Variants in ADGRA3 observed in about 807,000 individuals in gnomAD.
The protein encoded by ADGRA3 is adhesion G protein-coupled receptor A3, also known as G-protein coupled receptor 125.
A neutral mutation model predicts 119.8 loss-of-function variants in ADGRA3; 56 were observed. The observed-to-expected ratio is 0.47, with a 90% CI of 0.38 to 0.58. ADGRA3 has a LOEUF of 0.58. Among genes scored for constraint, ADGRA3 ranks in the 20% least tolerant of loss-of-function variants. The pLI is 0.00. For missense variants in ADGRA3, 1,516 were observed against 1,649.0 expected (o/e 0.92, Z 1.40); for synonymous variants, 607 against 623.8 (o/e 0.97, Z 0.40).
chr4:22,388,385 A>G lies in ADGRA3; in HGVS notation c.3286T>C (p.Ser1096Pro), dbSNP rs1379659692. 2.5e-6 allele frequency: 4 copies of G among 1,613,666 alleles called. No homozygotes were observed. The highest frequency in any genetic ancestry group is 3.4e-6 in the Non-Finnish European group (4 of 1,179,924). ...GAAGCACTTTTGTTTGTGCATGAAGACTCCGCACTGCTATTGGGGCATTTG... is the reference window on the plus strand; with the variant it reads ...GAAGCACTTTTGTTTGTGCATGAAGGCTCCGCACTGCTATTGGGGCATTTG... ...APKCPNSSAESSCTNKSASSF... is the reference protein window; with the variant it reads ...APKCPNSSAEPSCTNKSASSF... Residue 1096 changes from serine (S) to proline (P), a missense_variant, in exon 19 of 19, where the codon TCT (serine) becomes CCT (proline). Around this residue, in one of 2 missense-constraint regions of ADGRA3, gnomAD observed 1,088 missense variants for 1,107.1 expected, o/e 0.98. Coordinates refer to ENST00000334304, the MANE Select transcript of ADGRA3 (RefSeq NM_145290.4).
chr4:22,505,646 CAAAA>C (rs199814126), intron 1 of ADGRA3, among the ~76,000 whole-genome samples: 1 of 122,938 alleles, frequency 8.1e-6, no homozygotes, highest in Admixed American at 8.5e-5. Flanking sequence ...GACTCTGTCT[CAAAA>C]AAAAAAAAAA....
intron 3 of ADGRA3, among the ~76,000 whole-genome samples, chr4:22,458,001 G>C (rs934221260): frequency 6.6e-6 from 1 of 152,126 alleles, no homozygotes; most frequent in Non-Finnish European, 1.5e-5. Context: ...CAGAGGGAGG[G>C]GATAAGAAAA....
intron 7 of ADGRA3, among the ~76,000 whole-genome samples, chr4:22,438,722 A>C (rs1330275262): frequency 1.3e-5 from 2 of 152,214 alleles, no homozygotes; most frequent in African/African-American, 4.8e-5. Context: ...AACACTTTAC[A>C]GAACAGGAAT....
intron 1 of ADGRA3, among the ~76,000 whole-genome samples, chr4:22,483,045 C>G (rs990465298): frequency 2.0e-5 from 3 of 152,194 alleles, no homozygotes; most frequent in African/African-American, 7.2e-5. Context: ...TGGGCAATCT[C>G]TACCAGAGCT....
At position 22,438,314 on chromosome 4, in the gene ADGRA3, C is replaced by G; in HGVS notation, c.1027G>C (p.Glu343Gln). ...GGAGGACAGTACTGTGCAGAACTCT[C>G]TAATACCACAATATCCACAGTCCTC... ...NTRTVDIVVL[E>Q]SSAQYCPPER... is the part of the protein sequence containing the mutation. Residue 343 changes from glutamate to glutamine, a missense_variant, in exon 8 of 19, where the codon GAG becomes CAG. By Grantham distance (29) the Glu-to-Gln change is conservative. This residue lies in a region of ADGRA3 where 428 missense variants were observed against 541.9 expected (regional missense o/e 0.79). Transcript: ENST00000334304. 1.2e-6 allele frequency: 2 copies of G among 1,612,718 alleles called. No homozygotes were observed. Among genetic ancestry groups the G allele is most frequent in the Non-Finnish European group, 1.7e-6 (2 of 1,179,492 alleles).
chr4:22,395,137 AT>A (rs1714298106), intron 16 of ADGRA3, among the ~76,000 whole-genome samples: 1 of 152,170 alleles, frequency 6.6e-6, no homozygotes, highest in Non-Finnish European at 1.5e-5. Context: ...TTATTAACTA[AT>A]GTTAAATGCA....
chr4:22,398,802 T>A (rs183391937), intron 16 of ADGRA3, among the ~76,000 whole-genome samples: 61 of 152,274 alleles, frequency 4.0e-4, no homozygotes, highest in Middle Eastern at 6.8e-3. Context: ...GGCATTTGGG[T>A]TGCTTCCAGG....
intron 1 of ADGRA3, among the ~76,000 whole-genome samples, chr4:22,500,476 C>G (rs370751571): frequency 3.9e-4 from 46 of 116,634 alleles, no homozygotes; most frequent in African/African-American, 1.2e-3. Flanking sequence ...TTAGAACTTT[C>G]AAATCAGTTA....
intron 12 of ADGRA3, among the ~76,000 whole-genome samples, chr4:22,416,967 T>G (rs1431157846): frequency 6.6e-6 from 1 of 152,164 alleles, no homozygotes; most frequent in African/African-American, 2.4e-5. Flanking sequence ...TTTTCAGAAA[T>G]CTTTATGGGT....
At chr4:22,476,966 C>T (rs938532755) in intron 1 of ADGRA3, among the ~76,000 whole-genome samples, 2 of 152,036 alleles carry the variant, frequency 1.3e-5, no homozygotes, top group African/African-American at 4.8e-5. Flanking sequence ...CACACCTGGC[C>T]AATTTATCTT....
intron 4 of ADGRA3, among the ~76,000 whole-genome samples, chr4:22,454,548 C>T (rs1364101549): frequency 6.6e-6 from 1 of 152,098 alleles, no homozygotes; most frequent in Non-Finnish European, 1.5e-5. Context: ...TTACTATTTC[C>T]TAGAAATTTT....
intron 14 of ADGRA3, among the ~76,000 whole-genome samples, chr4:22,408,791 A>C (rs1000785724): frequency 6.6e-6 from 1 of 152,186 alleles, no homozygotes; most frequent in African/African-American, 2.4e-5. Context: ...TCCTGAGTGT[A>C]CATGTCCATC....
chr4:22,416,791 A>G (rs1472831931), intron 12 of ADGRA3, among the ~76,000 whole-genome samples: 1 of 152,208 alleles, frequency 6.6e-6, no homozygotes, highest in Non-Finnish European at 1.5e-5. Flanking sequence ...GTTACCACAC[A>G]GCTGCTTTTT....
chr4:22,429,540 C>CA (rs1217083996), intron 10 of ADGRA3, among the ~76,000 whole-genome samples: 1 of 152,078 alleles, frequency 6.6e-6, no homozygotes, highest in Non-Finnish European at 1.5e-5. Context: ...GCTAGAAACT[C>CA]AAAGGACACC....
chr4:22,488,737 A>G (rs1474943733), intron 1 of ADGRA3, among the ~76,000 whole-genome samples: 2 of 152,224 alleles, frequency 1.3e-5, no homozygotes, highest in Non-Finnish European at 2.9e-5. Context: ...AGAAGATTCA[A>G]TAACAGCACA....
At chr4:22,493,521 C>G (rs762031222) in intron 1 of ADGRA3, among the ~76,000 whole-genome samples, 3 of 152,130 alleles carry the variant, frequency 2.0e-5, no homozygotes, top group African/African-American at 7.2e-5. Context: ...AGTTTCTCTG[C>G]TCTCCTGGCA....
chr4:22,455,815 C>A, intron 3 of ADGRA3: 1 of 1,288,420 alleles, frequency 7.8e-7, no homozygotes, highest in Non-Finnish European at 1.0e-6. Context: ...TTACACCTGG[C>A]ATGGCATGAC....
chr4:22,392,465 C>T, intron 17 of ADGRA3, 80 bp downstream of exon 17: 1 of 1,527,818 alleles, frequency 6.5e-7, no homozygotes, highest in South Asian at 1.2e-5. Flanking sequence ...CCAAAATTCA[C>T]TCAGCAATTT....
intron 10 of ADGRA3, among the ~76,000 whole-genome samples, chr4:22,427,275 A>G (rs1715979230): frequency 6.6e-6 from 1 of 152,202 alleles, no homozygotes; most frequent in South Asian, 2.1e-4. Flanking sequence ...TAGCAAAGTT[A>G]CAACTAAACT....
Sources: gnomAD v4.1 joint callset for allele counts (sites outside exome capture counted in the v4.1 genomes callset) on GRCh38, gnomAD v4.1.1 for gene constraint, gnomAD v4.1.1 regional missense constraint, MANE v1.5 for transcripts, NCBI Gene and HGNC (gene_info 2026-07-23, HGNC 2026-07-21) for gene names.